The following OXR1 variants were observed in gnomAD, a reference collection of about 807,000 sequenced individuals.
OXR1 encodes the protein oxidation resistance protein 1.
Under a neutral mutation model 104.6 loss-of-function variants are expected in OXR1, and 41 were observed. The ratio of observed to expected loss-of-function variants is 0.39; its 90% CI spans 0.31 to 0.51. The LOEUF (loss-of-function observed/expected upper bound fraction) is 0.51, where lower values mean the gene tolerates loss of function less well. Among genes scored for constraint, OXR1 ranks in the 20% least tolerant of loss-of-function variants. The probability of loss-of-function intolerance (pLI) is 0.77; values close to 1 mark genes in which losing one functional copy is unlikely to be tolerated. For synonymous variants in OXR1, 348 were observed against 348.4 expected (o/e 1.00, Z 0.01); for missense variants, 955 against 1,031.9 (o/e 0.93, Z 1.02).
chr8:106,319,279 C>T (rs1457493068), intron 1 of OXR1, among the ~76,000 whole-genome samples: 2 of 152,160 alleles, frequency 1.3e-5, no homozygotes, highest in Non-Finnish European at 2.9e-5. Flanking sequence ...GAAAAGCAGA[C>T]TGTCTTCCCT....
intron 1 of OXR1, among the ~76,000 whole-genome samples, chr8:106,309,698 A>C (rs1035324052): frequency 2.6e-5 from 4 of 151,496 alleles, no homozygotes; most frequent in Non-Finnish European, 5.9e-5. Flanking sequence ...TATTTTATTA[A>C]ATATAAAATT....
chr8:106,423,434 C>T (rs527906926), intron 2 of OXR1, among the ~76,000 whole-genome samples: 3 of 152,110 alleles, frequency 2.0e-5, no homozygotes, highest in African/African-American at 4.8e-5. Flanking sequence ...ATTTAAGGAG[C>T]GATTTCTGTA....
chr8:106,587,896 A>T (rs1404164071), intron 3 of OXR1, among the ~76,000 whole-genome samples: 2 of 152,156 alleles, frequency 1.3e-5, no homozygotes, highest in Non-Finnish European at 2.9e-5. Flanking sequence ...GTAAAGAATT[A>T]CTTAGAATAA....
Position 106,290,088 on chromosome 8 carries a change from T to C in OXR1, c.-139+19721T>C, listed in dbSNP as rs200738423. ...AGTCTCAGGTATTTCTTCATAGCAGTGTGAGAATGGACTAATACACACATA... is the reference window on the plus strand; with the variant it reads ...AGTCTCAGGTATTTCTTCATAGCAGCGTGAGAATGGACTAATACACACATA... On this transcript the variant is annotated intron_variant, in intron 1 of 16. Transcript: ENST00000517566. Among the ~76,000 whole-genome samples, 19 of 152,280 alleles carry C rather than the reference T, an allele frequency of 1.2e-4. No individual in the cohort carries two copies. In the East Asian group the frequency reaches 3.1e-3, roughly 25 times the overall value.
intron 3 of OXR1, among the ~76,000 whole-genome samples, chr8:106,540,324 A>C (rs1814855114): frequency 6.6e-6 from 1 of 152,200 alleles, no homozygotes; most frequent in African/African-American, 2.4e-5. Context: ...CAGAAAGATC[A>C]CTATTTAGCT....
intron 4 of OXR1, chr8:106,682,378 C>T (rs927913670): frequency 8.0e-5 from 12 of 150,538 alleles, no homozygotes; most frequent in African/African-American, 2.0e-4. Context: ...ACGCCATTCT[C>T]CTGCCTCAGC....
At chr8:106,409,999 A>C (rs369745581) in intron 2 of OXR1, among the ~76,000 whole-genome samples, 10 of 138,546 alleles carry the variant, frequency 7.2e-5, no homozygotes, top group Admixed American at 1.4e-4. Context: ...CACACACACA[A>C]ACACACACAC....
chr8:106,577,793 G>C (rs1410615570), intron 3 of OXR1, among the ~76,000 whole-genome samples: 2 of 152,136 alleles, frequency 1.3e-5, no homozygotes, highest in Non-Finnish European at 2.9e-5. Context: ...CCAGTAGGGG[G>C]CTCCAGAAGG....
chr8:106,310,992 A>G (rs1813676644), intron 1 of OXR1, among the ~76,000 whole-genome samples: 1 of 152,060 alleles, frequency 6.6e-6, no homozygotes, highest in Admixed American at 6.6e-5. Flanking sequence ...TTTCTGGAAT[A>G]TTGTCTGATG....
intron 2 of OXR1, among the ~76,000 whole-genome samples, chr8:106,391,217 T>C (rs1010237864): frequency 1.3e-5 from 2 of 152,228 alleles, no homozygotes; most frequent in African/African-American, 4.8e-5. Flanking sequence ...TATCTGTCTA[T>C]GCTTGTATTT....
chr8:106,515,382 C>T (rs1010035490), intron 2 of OXR1, among the ~76,000 whole-genome samples: 1 of 152,074 alleles, frequency 6.6e-6, no homozygotes, highest in African/African-American at 2.4e-5. Flanking sequence ...CATAGTCACC[C>T]ATGTTGTATA....
chr8:106,279,251 T>G (rs1812182407), intron 1 of OXR1, among the ~76,000 whole-genome samples: 1 of 152,134 alleles, frequency 6.6e-6, no homozygotes, highest in Non-Finnish European at 1.5e-5. Context: ...TTATCTGAAA[T>G]ATGAAATGAA....
At chr8:106,511,106 G>A (rs1316551880) in intron 2 of OXR1, among the ~76,000 whole-genome samples, 2 of 152,128 alleles carry the variant, frequency 1.3e-5, no homozygotes, top group East Asian at 3.8e-4. Context: ...TTCTTTTAAA[G>A]CATAAGTTTC....
chr8:106,392,114 C>T (rs1205104174), intron 2 of OXR1, among the ~76,000 whole-genome samples: 2 of 152,202 alleles, frequency 1.3e-5, no homozygotes, highest in African/African-American at 4.8e-5. Context: ...TTGGTACTCT[C>T]TGCTGGCAAG....
chr8:106,530,832 G>GA (rs375201955), intron 3 of OXR1, among the ~76,000 whole-genome samples: 39 of 150,796 alleles, frequency 2.6e-4, no homozygotes, highest in Admixed American at 2.2e-3. Context: ...AGTACAATAT[G>GA]AAAAAAAAAT....
At chr8:106,723,257 C>G (rs999325925) in intron 11 of OXR1, among the ~76,000 whole-genome samples, 3 of 151,900 alleles carry the variant, frequency 2.0e-5, no homozygotes, top group African/African-American at 7.2e-5. Flanking sequence ...TTTGGGAGGC[C>G]GAGGCAGGTG....
At chr8:106,686,596 T>C (rs1828752371) in intron 6 of OXR1, among the ~76,000 whole-genome samples, 1 of 152,202 alleles carries the variant, frequency 6.6e-6, no homozygotes, top group Non-Finnish European at 1.5e-5. Flanking sequence ...TTATTAGATA[T>C]AGTTTACATT....
Position 106,684,327 on chromosome 8 carries a change from A to G in OXR1, c.493A>G (p.Thr165Ala), listed in dbSNP as rs756577195. The G allele has an allele frequency of 1.8e-5, 29 of 1,600,088 alleles. No individual in the cohort carries two copies. The highest frequency in any genetic ancestry group is 2.7e-5 in the African/African-American group (2 of 74,624). Reference protein sequence around the residue: ...SLSPVSPLSPTSSEAEFDKTT... With the variant: ...SLSPVSPLSPASSEAEFDKTT... ...AAGCCCCGTAAGTCCTCTGTCACCA[A>G]CATCATCTGAGGCTGAATTTGATAA... is the stretch of plus-strand genomic sequence containing the variant. Residue 165 changes from threonine (T) to alanine (A), a missense_variant, in exon 6 of 17, where the codon ACA (threonine) becomes GCA (alanine). Thr to Ala is a moderately conservative substitution (Grantham distance 58, BLOSUM62 0). Coordinates refer to ENST00000517566, the MANE Select transcript of OXR1 (RefSeq NM_001198533.2).
At chr8:106,558,684 A>G (rs1172548121) in intron 3 of OXR1, among the ~76,000 whole-genome samples, 3 of 152,188 alleles carry the variant, frequency 2.0e-5, no homozygotes, top group African/African-American at 4.8e-5. Context: ...TACTTTTTTT[A>G]TTAGGAACAA....
Sources: gnomAD v4.1 joint callset for allele counts (sites outside exome capture counted in the v4.1 genomes callset) on GRCh38, gnomAD v4.1.1 for gene constraint, MANE v1.5 for transcripts, NCBI Gene and HGNC (gene_info 2026-07-23, HGNC 2026-07-21) for gene names.